NCAM2: variants seen among roughly 807,000 people sequenced by gnomAD.
NCAM2 encodes N-CAM-2.
Under a neutral mutation model 98.1 loss-of-function variants are expected in NCAM2, and 30 were observed. The ratio of observed to expected loss-of-function variants is 0.31; its 90% CI spans 0.23 to 0.41. The LOEUF (loss-of-function observed/expected upper bound fraction) is 0.41. NCAM2 is among the 10% of genes least tolerant of loss of function. The pLI, the probability that NCAM2 is intolerant of heterozygous loss-of-function variation, is 1.00. For missense variants in NCAM2, 867 were observed against 1,005.8 expected, an observed-to-expected ratio of 0.86 and a Z score of 1.87; for synonymous variants, 368 against 342.4, an observed-to-expected ratio of 1.07 and a Z score of -0.83.
At chr21:21,327,540 C>T (rs533169821) in intron 6 of NCAM2, among the ~76,000 whole-genome samples, 10 of 151,766 alleles carry the variant, frequency 6.6e-5, no homozygotes, top group South Asian at 4.1e-4. Context: ...TTATAGAAAC[C>T]GAAAGTAGAT....
chr21:21,495,401 A>G (rs1221043407), intron 15 of NCAM2, among the ~76,000 whole-genome samples: 1 of 151,966 alleles, frequency 6.6e-6, no homozygotes, highest in African/African-American at 2.4e-5. Context: ...AATAGGAGAG[A>G]AGGAGAGAGG....
chr21:21,403,930 T>G (rs564011630), intron 9 of NCAM2, among the ~76,000 whole-genome samples: 10 of 152,194 alleles, frequency 6.6e-5, no homozygotes, highest in South Asian at 2.1e-4. Context: ...TGAGTTCAAT[T>G]TAGAAATTTA....
chr21:21,476,858 T>A (rs1304222679), intron 14 of NCAM2, among the ~76,000 whole-genome samples: 1 of 152,042 alleles, frequency 6.6e-6, no homozygotes, highest in Non-Finnish European at 1.5e-5. Flanking sequence ...ATACTTTATC[T>A]TTCTTCCCCC....
At chr21:21,251,746 T>TTTG (rs1190555068) in intron 1 of NCAM2, among the ~76,000 whole-genome samples, 1 of 151,052 alleles carries the variant, frequency 6.6e-6, no homozygotes, top group East Asian at 1.9e-4. Context: ...TTTTTGATGT[T>TTTG]TTTTTTTTTT....
intron 15 of NCAM2, among the ~76,000 whole-genome samples, chr21:21,483,710 TA>T (rs1251850581): frequency 6.6e-6 from 1 of 152,138 alleles, no homozygotes; most frequent in East Asian, 1.9e-4. Context: ...CAGTCTAACC[TA>T]AATATTGATA....
chr21:21,145,428 A>G (rs1435870748), intron 1 of NCAM2, among the ~76,000 whole-genome samples: 1 of 152,236 alleles, frequency 6.6e-6, no homozygotes, highest in Non-Finnish European at 1.5e-5. Context: ...ATGTGTCACC[A>G]CAATGATGAT....
chr21:21,035,625 G>A (rs1200586779), intron 1 of NCAM2, among the ~76,000 whole-genome samples: 1 of 151,892 alleles, frequency 6.6e-6, no homozygotes, highest in African/African-American at 2.4e-5. Flanking sequence ...TATGTGTCCA[G>A]TTTTTTTTCC....
intron 5 of NCAM2, among the ~76,000 whole-genome samples, chr21:21,296,541 AGC>A (rs2147610121): frequency 6.6e-6 from 1 of 151,900 alleles, no homozygotes; most frequent in South Asian, 2.1e-4. Context: ...AAAAGCAGGT[AGC>A]AGTCAATCAT....
intron 5 of NCAM2, among the ~76,000 whole-genome samples, chr21:21,296,289 A>G (rs191388440): frequency 3.3e-5 from 5 of 151,970 alleles, no homozygotes; most frequent in Admixed American, 2.0e-4. Context: ...TGGAAACCCA[A>G]TGCAGCTGAA....
intron 9 of NCAM2, among the ~76,000 whole-genome samples, chr21:21,404,455 C>G (rs1208827915): frequency 6.6e-6 from 1 of 152,158 alleles, no homozygotes; most frequent in African/African-American, 2.4e-5. Context: ...TCTGTCTTGT[C>G]TGCAGCCAGG....
intron 5 of NCAM2, among the ~76,000 whole-genome samples, chr21:21,319,667 C>T (rs1300561126): frequency 4.7e-5 from 7 of 148,804 alleles, no homozygotes; most frequent in African/African-American, 1.7e-4. Flanking sequence ...TAATAACTAA[C>T]CAGGAAAATG....
chr21:21,464,797 T>G (rs1014972666), intron 12 of NCAM2, among the ~76,000 whole-genome samples: 8 of 152,150 alleles, frequency 5.3e-5, no homozygotes, highest in Non-Finnish European at 1.2e-4. Context: ...GCTTAAATTA[T>G]ATACCATTAA....
At chr21:21,204,947 C>T (rs1484882749) in intron 1 of NCAM2, among the ~76,000 whole-genome samples, 1 of 151,962 alleles carries the variant, frequency 6.6e-6, no homozygotes, top group East Asian at 1.9e-4. Context: ...TGTGTAAGTT[C>T]GAACTCTCCT....
chr21:21,497,068 A>T (rs569857164), intron 15 of NCAM2, among the ~76,000 whole-genome samples: 1 of 152,148 alleles, frequency 6.6e-6, no homozygotes, highest in Non-Finnish European at 1.5e-5. Context: ...AGCAACATAG[A>T]TAGAGCGGGA....
At chr21:21,483,620 T>C (rs1184398593) in intron 15 of NCAM2, among the ~76,000 whole-genome samples, 1 of 152,046 alleles carries the variant, frequency 6.6e-6, no homozygotes, top group Non-Finnish European at 1.5e-5. Flanking sequence ...TTTTAGAACA[T>C]AAGTTTAAAA....
At position 21,018,446 on chromosome 21, in the gene NCAM2, C is replaced by T. The variant is rs148155293; in HGVS notation, c.55+19828C>T. 5.5e-3 allele frequency among the ~76,000 whole-genome samples: 833 copies of T among 152,330 alleles called. 6 individuals carry two copies. Among genetic ancestry groups the T allele is most frequent in the Middle Eastern group, 0.01 (3 of 294 alleles). On this transcript the variant is annotated intron_variant, in intron 1 of 17. Coordinates refer to ENST00000400546, the MANE Select transcript of NCAM2 (RefSeq NM_004540.5). The stretch of plus-strand genomic sequence containing the variant: ...CTGCTAAGTTTCTGATGGTGTTATA[C>T]TCTGTTTTACATTGGACTGCACAAC...
At chr21:21,189,033 C>A (rs532140083) in intron 1 of NCAM2, among the ~76,000 whole-genome samples, 23 of 152,254 alleles carry the variant, frequency 1.5e-4, no homozygotes, top group African/African-American at 5.5e-4. Context: ...TTCAACAGAA[C>A]ACATGTGCAT....
At chr21:21,063,981 T>C (rs1488215136) in intron 1 of NCAM2, among the ~76,000 whole-genome samples, 1 of 152,210 alleles carries the variant, frequency 6.6e-6, no homozygotes, top group Non-Finnish European at 1.5e-5. Context: ...TGTTTGGATT[T>C]GGACATCCAG....
chr21:21,459,944 C>A (rs982004286), intron 12 of NCAM2, among the ~76,000 whole-genome samples: 1 of 151,794 alleles, frequency 6.6e-6, no homozygotes, highest in Non-Finnish European at 1.5e-5. Flanking sequence ...TGTACAAATA[C>A]AAACATATTA....
Sources: allele counts gnomAD v4.1 joint callset (sites outside exome capture counted in the v4.1 genomes callset), GRCh38; gene constraint gnomAD v4.1.1; transcripts MANE v1.5; gene names NCBI Gene and HGNC (gene_info 2026-07-23, HGNC 2026-07-21).